The following ZNF496 variants were observed in gnomAD, a reference collection of about 807,000 sequenced individuals.
The protein encoded by ZNF496 is NSD1 (nuclear receptor binding SET-domain containing 1)-interacting zinc finger protein 1.
A neutral mutation model predicts 58.9 loss-of-function variants in ZNF496; 11 were observed. The ratio of observed to expected loss-of-function variants is 0.19; its 90% CI spans 0.12 to 0.31. The LOEUF is 0.31. Among genes scored for constraint, ZNF496 ranks in the 10% least tolerant of loss-of-function variants. The probability of loss-of-function intolerance (pLI) is 1.00; values close to 1 mark genes in which losing one functional copy is unlikely to be tolerated. For synonymous variants in ZNF496, 338 were observed against 318.2 expected (o/e 1.06, Z -0.66); for missense variants, 660 against 783.0 (o/e 0.84, Z 1.88).
chr1:247,311,399 T>TA (rs1415595363), intron 6 of ZNF496: 171 of 123,224 alleles, frequency 1.4e-3, no homozygotes, highest in East Asian at 3.3e-3. Context: ...GACTCAGTCT[T>TA]AAAAAAAAAA....
intron 6 of ZNF496, among the ~76,000 whole-genome samples, chr1:247,316,259 G>A (rs1375694528): frequency 1.4e-5 from 2 of 146,524 alleles, no homozygotes; most frequent in Non-Finnish European, 3.0e-5. Context: ...TGGGGGTCCC[G>A]AGGGAAAAAC....
Position 247,308,007 on chromosome 1 carries a change from C to A in ZNF496, c.1006+468G>T. ...TTAATCCCAGTTCCAAGATTCTGTG[C>A]CAGGATGCTGGCCATCCATGCTGAG... On this transcript the variant is annotated intron_variant, in intron 9 of 9. Transcript: ENST00000682384. The surrounding 1 kb of genome is among the most constrained non-coding windows in gnomAD (Gnocchi z 4.5). 1 of 985,362 alleles carries A rather than the reference C, an allele frequency of 1.0e-6. No individual in the cohort carries two copies. Among genetic ancestry groups the A allele is most frequent in the Non-Finnish European group, 1.2e-6 (1 of 829,924 alleles). 61.0% of individuals were successfully genotyped at this position (985,362 alleles called of 1,614,324 possible). A position where few individuals can be genotyped will look rare whatever the true frequency, so the allele number is the denominator to read the frequency against.
At chr1:247,303,897 C>A in intron 9 of ZNF496, 1 of 174,416 alleles carries the variant, frequency 5.7e-6, no homozygotes. Flanking sequence ...GTATGATTCA[C>A]GGATCCAATC....
chr1:247,329,402 G>A lies in ZNF496; in HGVS notation c.177C>T (p.Ala59=). Residue 59 remains alanine, a synonymous_variant, in exon 4 of 10, where the codon GCC becomes GCT. Transcript: ENST00000682384. The surrounding 1 kb of genome is among the most constrained non-coding windows in gnomAD (Gnocchi z 5.5). ...RYQEAAGPRE[A]LQRLWDLCGG... is the part of the protein sequence containing the mutation. ...CGCACAGGTCCCAGAGGCGCTGCAG[G>A]GCCTCCCGGGGGCCCGCCGCCTCCT... 3.7e-6 allele frequency: 6 copies of A among 1,613,220 alleles called. No individual in the cohort carries two copies. The highest frequency in any genetic ancestry group is 4.2e-6 in the Non-Finnish European group (5 of 1,179,750).
Position 247,300,880 on chromosome 1 carries a change from C to A in ZNF496, c.1403G>T (p.Cys468Phe). 1 of 1,611,660 alleles carries A rather than the reference C, an allele frequency of 6.2e-7. No homozygotes were observed. Among genetic ancestry groups the A allele is most frequent in the Non-Finnish European group, 8.5e-7 (1 of 1,178,548 alleles). ...GGAGTTCAGGCGGAAGCTCTTCCCG[C>A]AGGCACCACACCGGTAAGGCTTCTG... is the stretch of plus-strand genomic sequence containing the variant. The part of the protein sequence containing the change: ...EAQKPYRCGA[C>F]GKSFRLNSHL... The change falls in exon 10 of 10, where the codon TGC becomes TTC. Residue 468 changes from cysteine to phenylalanine, a missense_variant. Cys to Phe is a radical substitution (Grantham distance 205). Coordinates refer to ENST00000682384, the MANE Select transcript of ZNF496 (RefSeq NM_032752.3). This position sits in a 1 kb window ranked among gnomAD's most constrained non-coding sequence, Gnocchi z 5.7.
rs962716169 is a variant in ZNF496 at position 247,299,812 on chromosome 1, G to C, written c.*707C>G. ...GGTGAGCTCCAGATCCCTAGTGATT[G>C]GCCCCCAGGAAAATCAACAGGTATG... On this transcript the variant is annotated 3_prime_UTR_variant, in exon 10 of 10. Coordinates refer to ENST00000682384, the MANE Select transcript of ZNF496 (RefSeq NM_032752.3). The C allele has an allele frequency of 6.6e-6, 1 of 152,202 alleles. No individual in the cohort carries two copies. The highest frequency in any genetic ancestry group is 2.4e-5 in the African/African-American group (1 of 41,438). The allele number at this position is 152,202 out of a possible 1,614,324, so 9.4% of individuals were successfully genotyped here.
chr1:247,305,954 C>T (rs1183612149), intron 9 of ZNF496, among the ~76,000 whole-genome samples: 1 of 152,116 alleles, frequency 6.6e-6, no homozygotes, highest in Non-Finnish European at 1.5e-5. Flanking sequence ...TTATATGCTG[C>T]AAGACACATA....
intron 9 of ZNF496, among the ~76,000 whole-genome samples, chr1:247,305,099 G>T (rs940776141): frequency 6.6e-6 from 1 of 152,150 alleles, no homozygotes; most frequent in Non-Finnish European, 1.5e-5. Context: ...TGTATTTGAA[G>T]ATAGGCTCTT....
At chr1:247,307,655 G>T (rs1659459492) in intron 9 of ZNF496, 1 of 985,300 alleles carries the variant, frequency 1.0e-6, no homozygotes, top group African/African-American at 1.7e-5. Flanking sequence ...ATGCATGAAA[G>T]GGGGCCAAGT....
At position 247,309,493 on chromosome 1, in the gene ZNF496, A is replaced by C; in HGVS notation, c.892+206T>G. On this transcript the variant is annotated intron_variant, in intron 8 of 9. Coordinates refer to ENST00000682384, the MANE Select transcript of ZNF496 (RefSeq NM_032752.3). This position sits in a 1 kb window ranked among gnomAD's most constrained non-coding sequence, Gnocchi z 4.3. Reference sequence around the variant, plus strand: ...TCCCAGTCCTTGGCCAAGGGAGTACAATTCCAATGCCTGGCAAAATTAAGA... The same window carrying C: ...TCCCAGTCCTTGGCCAAGGGAGTACCATTCCAATGCCTGGCAAAATTAAGA... 2 of 1,411,054 alleles carry C rather than the reference A, an allele frequency of 1.4e-6. No homozygotes were observed. Among genetic ancestry groups the C allele is most frequent in the Non-Finnish European group, 1.8e-6 (2 of 1,087,358 alleles). 87.4% of individuals were successfully genotyped at this position (1,411,054 alleles called of 1,614,324 possible).
At chr1:247,305,994 T>C (rs1659395740) in intron 9 of ZNF496, among the ~76,000 whole-genome samples, 1 of 152,190 alleles carries the variant, frequency 6.6e-6, no homozygotes, top group South Asian at 2.1e-4. Context: ...GAAGAAACTA[T>C]GTATGAATAC....
rs371786461 is a variant in ZNF496 at position 247,300,768 on chromosome 1, C to G, written c.1515G>C (p.Ala505=). ...CCAGCGGCTCTTTGGGACCCTTGTCCGCGTCCTCGGATGCCGCCTGCTCTC... is the reference window on the plus strand; with the variant it reads ...CCAGCGGCTCTTTGGGACCCTTGTCGGCGTCCTCGGATGCCGCCTGCTCTC... ...EKREQAASED[A]DKGPKEPLEN... The change falls in exon 10 of 10, where the codon GCG becomes GCC. Residue 505 remains alanine, a synonymous_variant. Coordinates refer to ENST00000682384, the MANE Select transcript of ZNF496 (RefSeq NM_032752.3). The surrounding 1 kb of genome is among the most constrained non-coding windows in gnomAD (Gnocchi z 5.7). 4.4e-6 allele frequency: 7 copies of G among 1,605,252 alleles called. No homozygotes were observed. The highest frequency in any genetic ancestry group is 6.0e-6 in the Non-Finnish European group (7 of 1,173,646).
intron 9 of ZNF496, among the ~76,000 whole-genome samples, chr1:247,301,850 G>C (rs1015280322): frequency 6.6e-6 from 1 of 152,186 alleles, no homozygotes; most frequent in Non-Finnish European, 1.5e-5. Context: ...ATCTGTGCCA[G>C]GAAGGAGGGC....
rs1180132942 is a variant in ZNF496, at chr1:247,323,249, T to C, written c.575-19A>G. The C allele has an allele frequency of 1.2e-6, 2 of 1,611,222 alleles. No homozygotes were observed. Among genetic ancestry groups the C allele is most frequent in the Admixed American group, 1.7e-5 (1 of 59,938 alleles). On this transcript the variant is annotated intron_variant, in intron 5 of 9. Coordinates refer to ENST00000682384, the MANE Select transcript of ZNF496 (RefSeq NM_032752.3). ...TGCAGAACTGAAAGAGATCAGAAAA[T>C]GGTGTCCTAAAGTGGGCCAGGGCCA...
chr1:247,302,570 A>G (rs1227969733), intron 9 of ZNF496, among the ~76,000 whole-genome samples: 1 of 152,018 alleles, frequency 6.6e-6, no homozygotes, highest in Non-Finnish European at 1.5e-5. Context: ...CGAGCCACCC[A>G]TCTCAGGTGA....
In ZNF496 at chr1:247,300,885, A is replaced by G. The variant is rs777546957; in HGVS notation, c.1398T>C (p.Gly466=). The G allele has an allele frequency of 6.2e-7, 1 of 1,611,964 alleles. No homozygotes were observed. The highest frequency in any genetic ancestry group is 8.5e-7 in the Non-Finnish European group (1 of 1,178,826). Residue 466 remains glycine (G), a synonymous_variant, in exon 10 of 10, where the codon GGT becomes GGC. Coordinates refer to ENST00000682384, the MANE Select transcript of ZNF496 (RefSeq NM_032752.3). The surrounding 1 kb of genome is among the most constrained non-coding windows in gnomAD (Gnocchi z 5.7). ...SHEAQKPYRC[G]ACGKSFRLNS... is the part of the protein sequence containing the mutation. ...TCAGGCGGAAGCTCTTCCCGCAGGC[A>G]CCACACCGGTAAGGCTTCTGGGCCT...
intron 6 of ZNF496, among the ~76,000 whole-genome samples, chr1:247,320,489 G>C (rs1481666095): frequency 6.6e-6 from 1 of 152,196 alleles, no homozygotes; most frequent in African/African-American, 2.4e-5. Flanking sequence ...GTGAGGGTAG[G>C]AAAGAAATGA....
intron 6 of ZNF496, chr1:247,322,910 C>T (rs748778229): frequency 2.9e-5 from 25 of 871,786 alleles, no homozygotes; most frequent in Non-Finnish European, 4.0e-5. Context: ...TTCCTGCTAT[C>T]GTCTGCACAA....
At chr1:247,320,931 T>C (rs1196675419) in intron 6 of ZNF496, among the ~76,000 whole-genome samples, 4 of 152,058 alleles carry the variant, frequency 2.6e-5, no homozygotes, top group Admixed American at 6.6e-5. Context: ...TCCCAGCACT[T>C]TGGGAGGCCG....
Sources: allele counts gnomAD v4.1 joint callset (sites outside exome capture counted in the v4.1 genomes callset), GRCh38; gene constraint gnomAD v4.1.1; non-coding constraint Gnocchi (gnomAD v3.1); transcripts MANE v1.5; gene names NCBI Gene and HGNC (gene_info 2026-07-23, HGNC 2026-07-21).